FAM185A: variants seen among roughly 807,000 people sequenced by gnomAD.
FAM185A encodes protein FAM185A.
FAM185A carries 21 observed loss-of-function variants against 45.7 expected under a neutral mutation model. The ratio of observed to expected loss-of-function variants is 0.46; its 90% CI spans 0.33 to 0.66. The LOEUF is 0.66. Among genes scored for constraint, FAM185A ranks in the 30% least tolerant of loss-of-function variants. FAM185A has a pLI of 0.03. For missense variants in FAM185A, 305 were observed against 485.4 expected, an observed-to-expected ratio of 0.63 and a Z score of 3.49; for synonymous variants, 117 against 194.0, an observed-to-expected ratio of 0.60 and a Z score of 3.30.
At chr7:102,756,379 C>T (rs561289314) in intron 2 of FAM185A, among the ~76,000 whole-genome samples, 49 of 152,124 alleles carry the variant, frequency 3.2e-4, no homozygotes, top group Non-Finnish European at 5.7e-4. Context: ...CAGACTAGGC[C>T]GGGTGCAGTG....
Position 102,749,364 on chromosome 7 carries a change from G to C in FAM185A, c.157G>C (p.Glu53Gln), listed in dbSNP as rs1386846105. ...CGAGCGCTGGCCCGGATCGGAGACT[G>C]AGGTCCCTCCGCCTGGCCCGGGGCG... ...GSERWPGSET[E>Q]VPPPGPGRRT... The change falls in exon 1 of 8, where the codon GAG becomes CAG. Residue 53 changes from glutamate (E) to glutamine (Q), a missense_variant. Physicochemically the swap from Glu to Gln is conservative, Grantham distance 29. Around this residue, in one of 5 missense-constraint regions of FAM185A, gnomAD observed 174 missense variants for 247.1 expected, o/e 0.70. Transcript: ENST00000413034. 6.5e-7 allele frequency: 1 copy of C among 1,548,802 alleles called. No homozygotes were observed. Among genetic ancestry groups the C allele is most frequent in the Admixed American group, 2.0e-5 (1 of 50,994 alleles).
chr7:102,778,318 A>G (rs1367562813), intron 6 of FAM185A, among the ~76,000 whole-genome samples: 1 of 152,288 alleles, frequency 6.6e-6, no homozygotes, highest in East Asian at 1.9e-4. Flanking sequence ...AAAATAGGAT[A>G]AACTTATGTC....
the FAM185A span, among the ~76,000 whole-genome samples, chr7:102,824,018 G>C: frequency 1.3e-5 from 2 of 152,222 alleles, no homozygotes; most frequent in Non-Finnish European, 1.5e-5. Context: ...GAAAAGTCCA[G>C]GGGAGGTGGA....
intron 4 of FAM185A, 63 bp from the exon 5 acceptor site, chr7:102,772,346 A>G (rs1488763370): frequency 2.4e-5 from 23 of 957,274 alleles, no homozygotes; most frequent in South Asian, 1.1e-4. Context: ...TAGCATTGCT[A>G]TGTATCACAG....
In FAM185A at chr7:102,798,483, C is replaced by A. The variant is rs374993902; in HGVS notation, c.1067-9807C>A. On this transcript the variant is annotated intron_variant, in intron 7 of 7. Transcript: ENST00000413034. ...GCTTGTGTGTTCTTTTTCTTGAGAG[C>A]AGTAACACTGTGCTTGGCCTCTATT... Among the ~76,000 whole-genome samples the A allele has an allele frequency of 7.2e-5, 11 of 152,206 alleles. No individual in the cohort carries two copies. The East Asian group carries it at 2.1e-3, about 29-fold the overall frequency.
In FAM185A at chr7:102,801,089, C is replaced by T. The variant is rs138827254; in HGVS notation, c.1067-7201C>T. The stretch of plus-strand genomic sequence containing the variant: ...GGGGCCCATCTTCAGCCTTCTCAAA[C>T]GAAACAATTATCAGCCAAGAATTTT... On this transcript the variant is annotated intron_variant, in intron 7 of 7. Coordinates refer to ENST00000413034, the MANE Select transcript of FAM185A (RefSeq NM_001145268.2). Among the ~76,000 whole-genome samples, 526 of 152,274 alleles carry T rather than the reference C, an allele frequency of 3.5e-3. 5 individuals are homozygous for T. The highest frequency in any genetic ancestry group is 0.012 in the African/African-American group (504 of 41,530).
intron 4 of FAM185A, among the ~76,000 whole-genome samples, chr7:102,767,134 CTT>C (rs56733214): frequency 1.4e-5 from 2 of 139,744 alleles, no homozygotes. Context: ...AGAATTACAG[CTT>C]TTTTTTTTTT....
downstream of FAM185A, among the ~76,000 whole-genome samples, chr7:102,809,760 C>A (rs1797329196): frequency 6.6e-6 from 1 of 151,998 alleles, no homozygotes; most frequent in African/African-American, 2.4e-5. Context: ...TACTATAAGA[C>A]CAGACCTATC....
intron 7 of FAM185A, among the ~76,000 whole-genome samples, 174 bp downstream of exon 7, chr7:102,787,643 T>C (rs1423226273): frequency 1.3e-5 from 2 of 152,256 alleles, no homozygotes; most frequent in African/African-American, 4.8e-5. Context: ...GCAGACATTT[T>C]GTTTAAAAAG....
At chr7:102,795,899 A>T (rs557680777) in intron 7 of FAM185A, among the ~76,000 whole-genome samples, 14 of 152,338 alleles carry the variant, frequency 9.2e-5, no homozygotes, top group African/African-American at 3.4e-4. Flanking sequence ...GAATACAAAA[A>T]TATCCAGCAC....
At chr7:102,848,415 G>C in the FAM185A span, among the ~76,000 whole-genome samples, 1 of 100,812 alleles carries the variant, frequency 9.9e-6, no homozygotes, top group African/African-American at 5.9e-5. Context: ...AATTAGCCGG[G>C]CGTAGTGGCG....
chr7:102,797,855 A>G (rs1172782135), intron 7 of FAM185A, among the ~76,000 whole-genome samples: 1 of 152,228 alleles, frequency 6.6e-6, no homozygotes, highest in Non-Finnish European at 1.5e-5. Context: ...CAAACAAAGA[A>G]TGTTACAGGG....
chr7:102,813,869 G>C, downstream of FAM185A, among the ~76,000 whole-genome samples: 1 of 152,036 alleles, frequency 6.6e-6, no homozygotes, highest in East Asian at 1.9e-4. Context: ...CTCTGATGAG[G>C]GAGTAACCTA....
the FAM185A span, among the ~76,000 whole-genome samples, chr7:102,836,300 CA>C: frequency 6.6e-5 from 10 of 152,194 alleles, no homozygotes; most frequent in Admixed American, 1.3e-4. Flanking sequence ...TATGCTAAAT[CA>C]GTGGCAGATT....
At position 102,749,471 on chromosome 7, in the gene FAM185A, G is replaced by T; in HGVS notation, c.264G>T (p.Arg88Ser). Residue 88 changes from arginine to serine, a missense_variant, in exon 1 of 8, where the codon AGG (arginine) becomes AGT (serine). By Grantham distance (110) the Arg-to-Ser change is moderately radical (BLOSUM62 -1). Transcript: ENST00000413034. ...RARLPCHLAV[R>S]PLDPLTYPDG... ...GGCTCCCGTGCCACCTGGCCGTGAG[G>T]CCCCTGGACCCCCTCACCTACCCGG... 1 of 1,546,466 alleles carries T rather than the reference G, an allele frequency of 6.5e-7. No homozygotes were observed. Among genetic ancestry groups the T allele is most frequent in the East Asian group, 2.4e-5 (1 of 40,874 alleles).
rs573639226 is a variant in FAM185A at position 102,805,729 on chromosome 7, G to C, written c.1067-2561G>C. 3.3e-5 allele frequency among the ~76,000 whole-genome samples: 5 copies of C among 152,296 alleles called. No homozygotes were observed. In the East Asian group the frequency reaches 9.6e-4, roughly 29 times the overall value. On this transcript the variant is annotated intron_variant, in intron 7 of 7. Coordinates refer to ENST00000413034, the MANE Select transcript of FAM185A (RefSeq NM_001145268.2). Reference sequence around the variant, plus strand: ...AAAATAAAATAAAGGTGGGGAGGCAGAGGTTATAGGCAAAGTCATAAATTG... The same window carrying C: ...AAAATAAAATAAAGGTGGGGAGGCACAGGTTATAGGCAAAGTCATAAATTG...
chr7:102,842,370 A>C, the FAM185A span, among the ~76,000 whole-genome samples: 1 of 152,252 alleles, frequency 6.6e-6, no homozygotes, highest in African/African-American at 2.4e-5. Flanking sequence ...CTTTAAAAAA[A>C]AATGTTGCTA....
chr7:102,846,246 C>T, the FAM185A span, among the ~76,000 whole-genome samples: 2 of 152,086 alleles, frequency 1.3e-5, no homozygotes, highest in African/African-American at 4.8e-5. Flanking sequence ...ACAGATTATC[C>T]ATGTCCTCTA....
intron 7 of FAM185A, among the ~76,000 whole-genome samples, chr7:102,799,469 A>C (rs1796644019): frequency 1.3e-5 from 2 of 152,284 alleles, no homozygotes; most frequent in African/African-American, 4.8e-5. Flanking sequence ...CAGATGGTAC[A>C]AAGCATCTAG....
Sources: allele counts gnomAD v4.1 joint callset (sites outside exome capture counted in the v4.1 genomes callset), GRCh38; gene constraint gnomAD v4.1.1; regional missense constraint gnomAD v4.1.1; transcripts MANE v1.5; gene names NCBI Gene and HGNC (gene_info 2026-07-23, HGNC 2026-07-21).